Variants in XPO7 observed in about 807,000 individuals in gnomAD.
The protein encoded by XPO7 is exportin 7.
Under a neutral mutation model 144.3 loss-of-function variants are expected in XPO7, and 21 were observed. The ratio of observed to expected loss-of-function variants is 0.15; its 90% CI spans 0.10 to 0.21. XPO7 has a LOEUF of 0.21. Ranked by LOEUF, XPO7 falls within the 10% of genes least tolerant of loss-of-function variation. The probability of loss-of-function intolerance (pLI) is 1.00; values close to 1 mark genes in which losing one functional copy is unlikely to be tolerated. For missense variants in XPO7, 808 were observed against 1,325.8 expected, an observed-to-expected ratio of 0.61 and a Z score of 6.06; for synonymous variants, 580 against 499.6, an observed-to-expected ratio of 1.16 and a Z score of -2.15.
chr8:21,919,742 G>C lies in XPO7; in HGVS notation c.-29G>C. On this transcript the variant is annotated 5_prime_UTR_variant, in exon 1 of 28. Coordinates refer to ENST00000252512, the MANE Select transcript of XPO7 (RefSeq NM_015024.5). ...CGAGGTGCGCGCTGGGGGGGAGGGG[G>C]GGCCGGAGAGGAGCATGAATGGAGC... 2.6e-6 allele frequency: 1 copy of C among 390,690 alleles called. No individual in the cohort carries two copies. Among genetic ancestry groups the C allele is most frequent in the Non-Finnish European group, 3.8e-6 (1 of 261,536 alleles). 24.2% of individuals were successfully genotyped at this position (390,690 alleles called of 1,614,324 possible). A position where few individuals can be genotyped will look rare whatever the true frequency, so the allele number is the denominator to read the frequency against.
chr8:21,928,750 T>C (rs951245800), intron 1 of XPO7, among the ~76,000 whole-genome samples: 1 of 152,252 alleles, frequency 6.6e-6, no homozygotes, highest in Non-Finnish European at 1.5e-5. Context: ...TTTTACATTT[T>C]AAATGGTTGA....
intron 1 of XPO7, among the ~76,000 whole-genome samples, chr8:21,948,959 T>C (rs1468700839): frequency 6.6e-6 from 1 of 152,216 alleles, no homozygotes; most frequent in African/African-American, 2.4e-5. Flanking sequence ...CCATAGTTAC[T>C]TGAGTCATTA....
intron 1 of XPO7, among the ~76,000 whole-genome samples, chr8:21,955,144 A>G (rs1811493995): frequency 6.6e-6 from 1 of 152,196 alleles, no homozygotes; most frequent in Non-Finnish European, 1.5e-5. Context: ...CCTGGCCTGT[A>G]TAATCTTTCA....
chr8:21,962,009 A>T (rs1038505723), intron 1 of XPO7, among the ~76,000 whole-genome samples: 1 of 152,178 alleles, frequency 6.6e-6, no homozygotes. Flanking sequence ...TTGAATTTAC[A>T]TTCCCTGATG....
intron 13 of XPO7, 128 bp from the exon 14 acceptor site, chr8:21,987,013 A>G: frequency 7.7e-7 from 1 of 1,303,740 alleles, no homozygotes; most frequent in Non-Finnish European, 1.1e-6. Flanking sequence ...ATTTATGTAG[A>G]TGAATTTGGT....
Position 21,979,703 on chromosome 8 carries a change from G to A in XPO7, c.838-381G>A, listed in dbSNP as rs540007629. 2.0e-5 allele frequency among the ~76,000 whole-genome samples: 3 copies of A among 152,238 alleles called. No individual in the cohort carries two copies. In the South Asian group the frequency reaches 6.2e-4, roughly 32 times the overall value. On this transcript the variant is annotated intron_variant, in intron 8 of 27. Transcript: ENST00000252512. ...ATTACAGGCGTGAGCCACCACACCCGGCCGATACGCTTATTTCTTTATAGC... is the reference window on the plus strand; with the variant it reads ...ATTACAGGCGTGAGCCACCACACCCAGCCGATACGCTTATTTCTTTATAGC...
intron 9 of XPO7, among the ~76,000 whole-genome samples, chr8:21,980,410 A>G (rs570162923): frequency 7.2e-5 from 11 of 152,342 alleles, no homozygotes; most frequent in African/African-American, 2.2e-4. Context: ...TGTAGGAGTT[A>G]CAGGAAAGAA....
intron 18 of XPO7, 121 bp downstream of exon 18, chr8:21,991,040 T>C: frequency 1.2e-6 from 1 of 860,498 alleles, no homozygotes; most frequent in Non-Finnish European, 1.9e-6. Flanking sequence ...AACAAAACTA[T>C]CTGAAATAAC....
chr8:21,926,770 A>T (rs537608028), intron 1 of XPO7, among the ~76,000 whole-genome samples: 1 of 151,732 alleles, frequency 6.6e-6, no homozygotes, highest in African/African-American at 2.4e-5. Flanking sequence ...TATACATCTC[A>T]GTTGAAAAAA....
chr8:21,967,547 G>T (rs937751670), intron 2 of XPO7, among the ~76,000 whole-genome samples: 2 of 151,958 alleles, frequency 1.3e-5, no homozygotes, highest in Admixed American at 1.3e-4. Flanking sequence ...TGGTCAGGCT[G>T]GTCTCGATCT....
At chr8:21,969,748 G>T (rs772620878) in intron 3 of XPO7, 172 bp downstream of exon 3, 3 of 646,690 alleles carry the variant, frequency 4.6e-6, no homozygotes, top group Non-Finnish European at 7.8e-6. Context: ...TGAAGGGCCC[G>T]ACGCAATAAC....
At chr8:21,960,534 TC>T (rs1294659097) in intron 1 of XPO7, among the ~76,000 whole-genome samples, 1 of 152,270 alleles carries the variant, frequency 6.6e-6, no homozygotes, top group African/African-American at 2.4e-5. Context: ...AACACAAAGA[TC>T]ATCTGTGTTT....
intron 9 of XPO7, 83 bp downstream of exon 9, chr8:21,980,286 C>A: frequency 1.4e-6 from 2 of 1,444,486 alleles, no homozygotes; most frequent in Non-Finnish European, 9.2e-7. Context: ...CATCCCAAGG[C>A]CCAGTAAACA....
chr8:21,945,008 T>C (rs1364989978), intron 1 of XPO7, among the ~76,000 whole-genome samples: 1 of 152,232 alleles, frequency 6.6e-6, no homozygotes, highest in African/African-American at 2.4e-5. Flanking sequence ...GTCTACTTCT[T>C]TCTACACAGA....
At chr8:21,927,965 A>G (rs1810516023) in intron 1 of XPO7, among the ~76,000 whole-genome samples, 1 of 152,202 alleles carries the variant, frequency 6.6e-6, no homozygotes, top group African/African-American at 2.4e-5. Context: ...GTGGAATAAA[A>G]TCTTTCCTTT....
At chr8:21,954,024 A>G (rs780789668) in intron 1 of XPO7, among the ~76,000 whole-genome samples, 11 of 152,240 alleles carry the variant, frequency 7.2e-5, no homozygotes, top group Non-Finnish European at 1.3e-4. Flanking sequence ...AAGAACTAGT[A>G]ACATATAGAA....
At chr8:21,967,316 T>G (rs1014959889) in intron 2 of XPO7, among the ~76,000 whole-genome samples, 1 of 152,160 alleles carries the variant, frequency 6.6e-6, no homozygotes, top group Non-Finnish European at 1.5e-5. Context: ...TGTAGATAAA[T>G]GACCTTTGTG....
At chr8:21,993,720 T>C (rs1196610821) in intron 19 of XPO7, among the ~76,000 whole-genome samples, 1 of 152,178 alleles carries the variant, frequency 6.6e-6, no homozygotes, top group African/African-American at 2.4e-5. Flanking sequence ...TGGAGAGTAC[T>C]GATTAAACAT....
At position 21,920,555 on chromosome 8, in the gene XPO7, C is replaced by A. The variant is rs186745694; in HGVS notation, c.18+767C>A. Among the ~76,000 whole-genome samples the A allele has an allele frequency of 3.9e-3, 599 of 152,232 alleles. 3 individuals are homozygous for A. Among genetic ancestry groups the A allele is most frequent in the African/African-American group, 0.014 (580 of 41,528 alleles). The stretch of plus-strand genomic sequence containing the variant: ...AGACGTTGCTCGGGAGGGTCTTGAT[C>A]CGGCTCAAGAGCTGCTCCTAGCGTG... On this transcript the variant is annotated intron_variant, in intron 1 of 27. Coordinates refer to ENST00000252512, the MANE Select transcript of XPO7 (RefSeq NM_015024.5).
Sources: gnomAD v4.1 joint callset for allele counts (sites outside exome capture counted in the v4.1 genomes callset) on GRCh38, gnomAD v4.1.1 for gene constraint, MANE v1.5 for transcripts, NCBI Gene and HGNC (gene_info 2026-07-23, HGNC 2026-07-21) for gene names.